The following ZRANB3 variants were observed in gnomAD, a reference collection of about 807,000 sequenced individuals.
The protein encoded by ZRANB3 is DNA annealing helicase and endonuclease ZRANB3.
In ZRANB3, 125 loss-of-function variants were observed where a neutral mutation model predicts 133.8. The observed-to-expected ratio is 0.93, with a 90% CI of 0.81 to 1.08. The LOEUF is 1.08. Among genes scored for constraint, ZRANB3 ranks in the 50% least tolerant of loss-of-function variants. ZRANB3 has a pLI of 0.00. For synonymous variants in ZRANB3, 387 were observed against 432.7 expected, an observed-to-expected ratio of 0.89 and a Z score of 1.31; for missense variants, 1,229 against 1,275.5, an observed-to-expected ratio of 0.96 and a Z score of 0.56.
chr2:135,224,888 T>C (rs570581991), intron 14 of ZRANB3, among the ~76,000 whole-genome samples: 1 of 152,352 alleles, frequency 6.6e-6, no homozygotes, highest in Non-Finnish European at 1.5e-5. Context: ...TGAGACCGAA[T>C]GAGCATCATT....
chr2:135,223,563 G>A (rs1181849623), intron 15 of ZRANB3, among the ~76,000 whole-genome samples: 1 of 151,916 alleles, frequency 6.6e-6, no homozygotes, highest in Non-Finnish European at 1.5e-5. Flanking sequence ...CCTGACCTCA[G>A]GTGATCCACC....
chr2:135,255,140 AG>A (rs1679591930), intron 12 of ZRANB3, among the ~76,000 whole-genome samples: 1 of 152,126 alleles, frequency 6.6e-6, no homozygotes, highest in Non-Finnish European at 1.5e-5. Context: ...TTTTAGTCTC[AG>A]CTCCTACACT....
intron 13 of ZRANB3, among the ~76,000 whole-genome samples, chr2:135,230,085 A>C (rs970377686): frequency 6.6e-6 from 1 of 152,250 alleles, no homozygotes; most frequent in Non-Finnish European, 1.5e-5. Context: ...CAAAGAAGCT[A>C]CATTAGATTA....
chr2:135,440,127 A>G (rs1252475459), intron 2 of ZRANB3, among the ~76,000 whole-genome samples: 1 of 152,198 alleles, frequency 6.6e-6, no homozygotes, highest in East Asian at 1.9e-4. Context: ...GAAGTTTCTT[A>G]TACTTCAAAA....
Position 135,199,211 on chromosome 2 carries a change from A to G in ZRANB3, c.*1131T>C, listed in dbSNP as rs1693517421. On this transcript the variant is annotated 3_prime_UTR_variant, in exon 21 of 21. Transcript: ENST00000264159. The stretch of plus-strand genomic sequence containing the variant: ...TCTTTTTAAAATAAGTACCAGAAAC[A>G]TACCTTTAATAACACAGGGTTTTAA... 1 of 152,254 alleles carries G rather than the reference A, an allele frequency of 6.6e-6. No individual in the cohort carries two copies. Among genetic ancestry groups the G allele is most frequent in the African/African-American group, 2.4e-5 (1 of 41,462 alleles). 9.4% of individuals were successfully genotyped at this position (152,254 alleles called of 1,614,324 possible). A position where few individuals can be genotyped will look rare whatever the true frequency, so the allele number is the denominator to read the frequency against.
At chr2:135,453,414 T>G (rs1008765742) in intron 2 of ZRANB3, among the ~76,000 whole-genome samples, 3 of 152,250 alleles carry the variant, frequency 2.0e-5, no homozygotes, top group African/African-American at 7.2e-5. Flanking sequence ...AAGAAATAGA[T>G]TTTTCTTTTC....
At chr2:135,473,612 C>A (rs1691375681) in intron 2 of ZRANB3, among the ~76,000 whole-genome samples, 1 of 151,478 alleles carries the variant, frequency 6.6e-6, no homozygotes, top group Admixed American at 6.6e-5. Context: ...AATGTGTTTT[C>A]ATAATAGTGT....
At chr2:135,250,961 C>A (rs1558863087) in intron 12 of ZRANB3, among the ~76,000 whole-genome samples, 1 of 152,208 alleles carries the variant, frequency 6.6e-6, no homozygotes, top group Non-Finnish European at 1.5e-5. Context: ...GATCCACTGA[C>A]AGCCTGTACC....
rs1680460456 is a variant in ZRANB3 at position 135,270,463 on chromosome 2, A to T, written c.1206+1305T>A. ...GTCTTCAGAAGCACAGCCTTGAATA[A>T]AATGTAAGTGCCCCATACATTATTA... On this transcript the variant is annotated intron_variant, in intron 10 of 20. Coordinates refer to ENST00000264159, the MANE Select transcript of ZRANB3 (RefSeq NM_032143.4). Among the ~76,000 whole-genome samples, 3 of 152,124 alleles carry T rather than the reference A, an allele frequency of 2.0e-5. No individual in the cohort carries two copies. The South Asian group carries it at 6.2e-4, about 32-fold the overall frequency.
intron 8 of ZRANB3, among the ~76,000 whole-genome samples, chr2:135,297,193 G>T (rs941527690): frequency 2.6e-5 from 4 of 152,228 alleles, no homozygotes; most frequent in African/African-American, 9.6e-5. Context: ...TACAGAGGCA[G>T]GCAGGCCTCC....
intron 2 of ZRANB3, among the ~76,000 whole-genome samples, chr2:135,479,634 C>G (rs1052226939): frequency 6.6e-6 from 1 of 151,896 alleles, no homozygotes; most frequent in Non-Finnish European, 1.5e-5. Flanking sequence ...CCACTGCACT[C>G]CAGCCTGGGT....
At chr2:135,329,288 T>C (rs962580629) in intron 6 of ZRANB3, among the ~76,000 whole-genome samples, 1 of 152,336 alleles carries the variant, frequency 6.6e-6, no homozygotes, top group African/African-American at 2.4e-5. Flanking sequence ...GGCTAGCCAG[T>C]TTTTCGAGCA....
At chr2:135,241,404 A>G (rs1183859764) in intron 12 of ZRANB3, among the ~76,000 whole-genome samples, 1 of 106,522 alleles carries the variant, frequency 9.4e-6, no homozygotes, top group African/African-American at 3.7e-5. Context: ...TTTTATTTTT[A>G]TGGGCAATAT....
chr2:135,390,724 G>T (rs1488099678), intron 3 of ZRANB3, 78 bp downstream of exon 3: 2 of 1,474,456 alleles, frequency 1.4e-6, no homozygotes, highest in South Asian at 1.2e-5. Context: ...TATGGAGAAA[G>T]AGTACATGGA....
At chr2:135,425,611 A>C (rs1380471089) in intron 2 of ZRANB3, among the ~76,000 whole-genome samples, 3 of 152,214 alleles carry the variant, frequency 2.0e-5, no homozygotes, top group Non-Finnish European at 4.4e-5. Flanking sequence ...ATGAAATTAA[A>C]GCAGAAGTCA....
chr2:135,250,860 G>T lies in ZRANB3; in HGVS notation c.1539+14674C>A, dbSNP rs984824417. On this transcript the variant is annotated intron_variant, in intron 12 of 20. Transcript: ENST00000264159. ...AGGGCAGTGCAGAAGGGAAATGTGG[G>T]GTTGGAGTCCTCACACAGAGTCCCT... Among the ~76,000 whole-genome samples the T allele has an allele frequency of 9.2e-5, 14 of 152,364 alleles. No homozygotes were observed. In the East Asian group the frequency reaches 2.3e-3, roughly 25 times the overall value.
intron 8 of ZRANB3, among the ~76,000 whole-genome samples, chr2:135,310,341 T>C (rs1341625491): frequency 1.3e-5 from 2 of 152,168 alleles, no homozygotes; most frequent in African/African-American, 4.8e-5. Context: ...TACACATACA[T>C]TGCCAATTGG....
chr2:135,280,962 T>C (rs1681078306), intron 8 of ZRANB3, among the ~76,000 whole-genome samples: 1 of 152,208 alleles, frequency 6.6e-6, no homozygotes, highest in Non-Finnish European at 1.5e-5. Flanking sequence ...ACTCTTGATA[T>C]TGGATCTAGT....
chr2:135,199,743 T>C lies in ZRANB3; in HGVS notation c.*599A>G, dbSNP rs1185600114. 1.3e-5 allele frequency: 2 copies of C among 152,766 alleles called. No individual in the cohort carries two copies. The highest frequency in any genetic ancestry group is 2.9e-5 in the Non-Finnish European group (2 of 68,496). 9.5% of individuals were successfully genotyped at this position (152,766 alleles called of 1,614,324 possible). A position where few individuals can be genotyped will look rare whatever the true frequency, so the allele number is the denominator to read the frequency against. ...ACCCCCAAATTGTCCACAAACACCA[T>C]AGGTACCTCATTTTGAAAAGGATAT... On this transcript the variant is annotated 3_prime_UTR_variant, in exon 21 of 21. Coordinates refer to ENST00000264159, the MANE Select transcript of ZRANB3 (RefSeq NM_032143.4).
Sources: gnomAD v4.1 joint callset for allele counts (sites outside exome capture counted in the v4.1 genomes callset) on GRCh38, gnomAD v4.1.1 for gene constraint, MANE v1.5 for transcripts, NCBI Gene and HGNC (gene_info 2026-07-23, HGNC 2026-07-21) for gene names.